The following MYH2 variants were observed in gnomAD, a reference collection of about 807,000 sequenced individuals.
The protein encoded by MYH2 is myosin-2.
Under a neutral mutation model 228.1 loss-of-function variants are expected in MYH2, and 139 were observed. The ratio of observed to expected loss-of-function variants is 0.61; its 90% CI spans 0.53 to 0.70. The LOEUF (loss-of-function observed/expected upper bound fraction) is 0.70, where lower values mean the gene tolerates loss of function less well. Ranked by LOEUF, MYH2 falls within the 30% of genes least tolerant of loss-of-function variation. The pLI, the probability that MYH2 is intolerant of heterozygous loss-of-function variation, is 0.00. For missense variants in MYH2, 1,809 were observed against 2,357.5 expected (o/e 0.77, Z 4.82); for synonymous variants, 796 against 871.1 (o/e 0.91, Z 1.52).
intron 39 of MYH2, among the ~76,000 whole-genome samples, chr17:10,522,481 T>C (rs2073296110): frequency 6.6e-6 from 1 of 152,134 alleles, no homozygotes; most frequent in Admixed American, 6.5e-5. Flanking sequence ...AGTTATCAAA[T>C]AGAAAATAGT....
chr17:10,533,309 T>C lies in MYH2; in HGVS notation c.2417A>G (p.Glu806Gly), dbSNP rs761634264. The C allele has an allele frequency of 1.9e-6, 3 of 1,614,210 alleles. No individual in the cohort carries two copies. In the Admixed American group the frequency reaches 5.0e-5, roughly 27 times the overall value. ...ARCRGFLARV[E>G]YQRMVERREA... ...CCTTCTCTCCACCATCCTCTGGTAC[T>C]CCACTCTTGCCAAGAACCCTCTGCA... The change falls in exon 21 of 40, where the codon GAG (glutamate) becomes GGG (glycine). Residue 806 changes from glutamate to glycine, a missense_variant. By Grantham distance (98) the Glu-to-Gly change is moderately conservative. Transcript: ENST00000245503.
Position 10,521,438 on chromosome 17 carries a change from A to G in MYH2, c.5674-6T>C. The stretch of plus-strand genomic sequence containing the variant: ...TTGGTGTTGGATTGTTCCTCCTGAG[A>G]ATAAAAATGGAATTGTAAGGAACTC... On this transcript the variant is annotated splice_region_variant and splice_polypyrimidine_tract_variant and intron_variant, in intron 39 of 39. Transcript: ENST00000245503. 6.2e-7 allele frequency: 1 copy of G among 1,613,942 alleles called. No individual in the cohort carries two copies. The highest frequency in any genetic ancestry group is 8.5e-7 in the Non-Finnish European group (1 of 1,179,828).
intron 8 of MYH2, 73 bp downstream of exon 8, chr17:10,543,638 G>T: frequency 6.4e-7 from 1 of 1,567,984 alleles, no homozygotes; most frequent in South Asian, 1.1e-5. Context: ...AAAAGATTCA[G>T]AGAATGTAAT....
chr17:10,537,347 C>T lies in MYH2; in HGVS notation c.1783G>A (p.Gly595Ser). The change falls in exon 16 of 40, where the codon GGC (glycine) becomes AGC (serine). Residue 595 changes from glycine (G) to serine (S), a missense_variant. Gly to Ser is a moderately conservative substitution (Grantham distance 56). Transcript: ENST00000245503. This position sits in a 1 kb window ranked among gnomAD's most constrained non-coding sequence, Gnocchi z 4.0. ...GGGTCCTTGTTCTTCTCCAGCCAGCCAGTAATGTTGTAGTCCACAACACCA... is the reference window on the plus strand; with the variant it reads ...GGGTCCTTGTTCTTCTCCAGCCAGCTAGTAATGTTGTAGTCCACAACACCA... ...YAGVVDYNIT[G>S]WLEKNKDPLN... 3 of 1,614,182 alleles carry T rather than the reference C, an allele frequency of 1.9e-6. No homozygotes were observed. Among genetic ancestry groups the T allele is most frequent in the Non-Finnish European group, 2.5e-6 (3 of 1,180,028 alleles).
chr17:10,534,646 G>A (rs915249577), intron 19 of MYH2, among the ~76,000 whole-genome samples: 1 of 152,218 alleles, frequency 6.6e-6, no homozygotes, highest in Non-Finnish European at 1.5e-5. Context: ...GCTGGGCATG[G>A]TGGCTCATGC....
At chr17:10,543,268 G>T in intron 8 of MYH2, 107 bp from the exon 9 acceptor site, 1 of 855,394 alleles carries the variant, frequency 1.2e-6, no homozygotes, top group Non-Finnish European at 1.8e-6. Flanking sequence ...AATTCAGAGA[G>T]TATTTGCATC....
rs144934663 is a variant in MYH2 at position 10,524,600 on chromosome 17, C to T, written c.5041G>A (p.Glu1681Lys). The T allele has an allele frequency of 8.5e-5, 137 of 1,614,108 alleles. No homozygotes were observed. The highest frequency in any genetic ancestry group is 1.1e-4 in the Non-Finnish European group (127 of 1,180,042). Residue 1681 changes from glutamate to lysine, a missense_variant, in exon 35 of 40, where the codon GAG (glutamate) becomes AAG (lysine). By Grantham distance (56) the Glu-to-Lys change is moderately conservative. This residue lies in a region of MYH2 where 75 missense variants were observed against 131.2 expected (regional missense o/e 0.57). Transcript: ENST00000245503. The surrounding 1 kb of genome is among the most constrained non-coding windows in gnomAD (Gnocchi z 4.7). ...EDLKEQLAMV[E>K]RRANLLQAEI... ...GCCTGCAGCAGGTTGGCTCTGCGCT[C>T]CACCATGGCCAGCTGTTCCTTCAGG...
At chr17:10,545,102 A>G (rs1221084996) in intron 5 of MYH2, among the ~76,000 whole-genome samples, 1 of 152,116 alleles carries the variant, frequency 6.6e-6, no homozygotes, top group African/African-American at 2.4e-5. Context: ...ATTCAAAAGT[A>G]TACTAACTAA....
chr17:10,523,393 T>C lies in MYH2; in HGVS notation c.5492A>G (p.Glu1831Gly). The C allele has an allele frequency of 6.2e-7, 1 of 1,614,072 alleles. No individual in the cohort carries two copies. Among genetic ancestry groups the C allele is most frequent in the South Asian group, 1.1e-5 (1 of 91,078 alleles). Residue 1831 changes from glutamate (E) to glycine (G), a missense_variant, in exon 38 of 40, where the codon GAG (glutamate) becomes GGG (glycine). Transcript: ENST00000245503. ...LEARVRELEG[E>G]VESEQKRNAE... is the part of the protein sequence containing the mutation. ...ATTACGCTTTTGCTCACTCTCAACC[T>C]CTCCTTCCAGCTCCCGTACCTGCAA...
chr17:10,549,305 G>C (rs557175211), intron 2 of MYH2, 70 bp downstream of exon 2: 2 of 152,790 alleles, frequency 1.3e-5, no homozygotes, highest in East Asian at 3.9e-4. Flanking sequence ...CTGAAAGGTT[G>C]CTAAGTGACA....
At chr17:10,521,886 C>G (rs922843314) in intron 39 of MYH2, among the ~76,000 whole-genome samples, 2 of 151,836 alleles carry the variant, frequency 1.3e-5, no homozygotes, top group African/African-American at 4.8e-5. Context: ...TTACTTTTTT[C>G]CTCCTGCATT....
At chr17:10,544,220 T>C in intron 5 of MYH2, 93 bp from the exon 6 acceptor site, 11 of 1,504,192 alleles carry the variant, frequency 7.3e-6, no homozygotes, top group Non-Finnish European at 1.0e-5. Flanking sequence ...TATTATTCAG[T>C]CTGGACTTTG....
At chr17:10,546,255 T>TTATATATATATATATATATATATA (rs1376514619) in intron 4 of MYH2, among the ~76,000 whole-genome samples, 5 of 27,156 alleles carry the variant, frequency 1.8e-4, no homozygotes, top group South Asian at 3.8e-3. Context: ...GGACACGAAA[T>TTATATATATATATATATATATATA]GATATATATA....
chr17:10,533,909 C>A (rs1465426355), intron 19 of MYH2, among the ~76,000 whole-genome samples: 5 of 152,134 alleles, frequency 3.3e-5, no homozygotes, highest in African/African-American at 1.2e-4. Flanking sequence ...GTGTGCCTAA[C>A]CAATAAAATG....
chr17:10,529,473 C>A lies in MYH2; in HGVS notation c.3126G>T (p.Gly1042=). ...GAAGTTTCTTTTCTTGCTCCAAGGA[C>A]CCTTCAAGCTAAATATAAATTATGT... ...KLEQQVDDLE[G]SLEQEKKLRM... Residue 1042 remains glycine (G), a synonymous_variant, in exon 25 of 40, where the codon GGG becomes GGT. Transcript: ENST00000245503. The A allele has an allele frequency of 6.2e-7, 1 of 1,614,200 alleles. No individual in the cohort carries two copies. The highest frequency in any genetic ancestry group is 8.5e-7 in the Non-Finnish European group (1 of 1,180,034).
intron 39 of MYH2, among the ~76,000 whole-genome samples, chr17:10,521,828 A>G (rs529625352): frequency 5.1e-4 from 78 of 152,258 alleles, no homozygotes; most frequent in Non-Finnish European, 9.3e-4. Flanking sequence ...AAAAATTGAA[A>G]TAAATATTGG....
intron 4 of MYH2, among the ~76,000 whole-genome samples, chr17:10,545,727 G>C (rs1232250496): frequency 1.3e-5 from 2 of 152,018 alleles, no homozygotes; most frequent in African/African-American, 4.8e-5. Context: ...ACCATGCCCA[G>C]CTAATTTTGT....
At chr17:10,546,554 G>C (rs2073636460) in intron 4 of MYH2, among the ~76,000 whole-genome samples, 2 of 151,964 alleles carry the variant, frequency 1.3e-5, no homozygotes, top group South Asian at 4.2e-4. Flanking sequence ...GATGTCCCTT[G>C]AGGAATCCCC....
Position 10,521,632 on chromosome 17 carries a change from A to T in MYH2, c.5674-200T>A, listed in dbSNP as rs187198340. On this transcript the variant is annotated intron_variant, in intron 39 of 39. Coordinates refer to ENST00000245503, the MANE Select transcript of MYH2 (RefSeq NM_017534.6). ...ACACATACATACATACGTATCTCAC[A>T]TTCCTATTTTGGCAACCAAAACACA... 2.6e-5 allele frequency among the ~76,000 whole-genome samples: 4 copies of T among 151,842 alleles called. No homozygotes were observed. The East Asian group carries it at 7.8e-4, about 29-fold the overall frequency.
Sources: gnomAD v4.1 joint callset for allele counts (sites outside exome capture counted in the v4.1 genomes callset) on GRCh38, gnomAD v4.1.1 for gene constraint, gnomAD v4.1.1 regional missense constraint, Gnocchi (gnomAD v3.1) non-coding constraint, MANE v1.5 for transcripts, NCBI Gene and HGNC (gene_info 2026-07-23, HGNC 2026-07-21) for gene names.